LSM5: variants seen among roughly 807,000 people sequenced by gnomAD.
LSM5 encodes U6 snRNA-associated Sm-like protein LSm5.
In LSM5, 8 loss-of-function variants were observed where a neutral mutation model predicts 13.8. The ratio of observed to expected loss-of-function variants is 0.58; its 90% CI spans 0.34 to 1.04. The LOEUF is 1.04. Among genes scored for constraint, LSM5 ranks in the 50% least tolerant of loss-of-function variants. LSM5 has a pLI of 0.03. For missense variants in LSM5, 80 were observed against 108.1 expected (o/e 0.74, Z 1.15); for synonymous variants, 35 against 37.0 (o/e 0.95, Z 0.20).
intron 2 of LSM5, among the ~76,000 whole-genome samples, 154 bp from the exon 3 acceptor site, chr7:32,488,806 C>T (rs1353291500): frequency 6.6e-6 from 1 of 152,228 alleles, no homozygotes; most frequent in Non-Finnish European, 1.5e-5. Context: ...TCACTGCAGC[C>T]TCCACCTTTT....
At chr7:32,491,563 T>C (rs184625578), upstream of LSM5, among the ~76,000 whole-genome samples, 5 of 152,326 alleles carry the variant, frequency 3.3e-5, no homozygotes, top group African/African-American at 9.6e-5. Context: ...AATTTCTTCA[T>C]TTTGAATTAA....
At chr7:32,491,397 CAA>C (rs11393390), upstream of LSM5, among the ~76,000 whole-genome samples, 1 of 97,930 alleles carries the variant, frequency 1.0e-5, no homozygotes, top group Non-Finnish European at 1.9e-5. Context: ...AACTCCATCT[CAA>C]AAAAAAAAAA....
At chr7:32,494,106 A>T (rs541223078), upstream of LSM5, among the ~76,000 whole-genome samples, 2 of 152,342 alleles carry the variant, frequency 1.3e-5, no homozygotes, top group Non-Finnish European at 2.9e-5. Context: ...AAGTGCTGGG[A>T]TTACAGGCGT....
chr7:32,491,864 T>C (rs560152483), upstream of LSM5, among the ~76,000 whole-genome samples: 1 of 152,340 alleles, frequency 6.6e-6, no homozygotes, highest in East Asian at 1.9e-4. Flanking sequence ...ATTCATCTTA[T>C]TTTTATAACC....
chr7:32,489,939 G>A, intron 1 of LSM5: 1 of 884,452 alleles, frequency 1.1e-6, no homozygotes, highest in South Asian at 1.8e-5. Context: ...GGACCAGGGT[G>A]TTAGTGTCAC....
chr7:32,490,573 G>A (rs1786562427), upstream of LSM5: 1 of 598,270 alleles, frequency 1.7e-6, no homozygotes, highest in Middle Eastern at 4.6e-4. Flanking sequence ...TTACCATCTC[G>A]GCAGATACCC....
chr7:32,488,455 C>T, intron 3 of LSM5, 170 bp downstream of exon 3: 3 of 557,032 alleles, frequency 5.4e-6, no homozygotes, highest in South Asian at 2.4e-5. Flanking sequence ...CTAATAATTA[C>T]ATTAAGGTAA....
chr7:32,489,851 G>A (rs759143818), intron 1 of LSM5, among the ~76,000 whole-genome samples: 90 of 152,186 alleles, frequency 5.9e-4, no homozygotes, highest in Middle Eastern at 3.2e-3. Flanking sequence ...CTAGTGTATA[G>A]ATACTCAGTT....
upstream of LSM5, among the ~76,000 whole-genome samples, chr7:32,494,231 T>C (rs1426761172): frequency 6.6e-6 from 1 of 152,230 alleles, no homozygotes; most frequent in Non-Finnish European, 1.5e-5. Context: ...AAAATATTAA[T>C]AGTTAACACA....
At chr7:32,490,102 G>A (rs1786542380) in intron 1 of LSM5, 9 of 1,520,790 alleles carry the variant, frequency 5.9e-6, no homozygotes, top group African/African-American at 1.4e-5. Context: ...TTCCAGTGAA[G>A]GTCTGGTTTG....
upstream of LSM5, chr7:32,494,957 A>G (rs2128107105): frequency 6.6e-6 from 1 of 152,334 alleles, no homozygotes; most frequent in African/African-American, 2.4e-5. Context: ...CGAGTAAGCA[A>G]GTAATTTAAA....
intron 2 of LSM5, among the ~76,000 whole-genome samples, chr7:32,488,975 T>C (rs567971379): frequency 3.3e-5 from 5 of 152,258 alleles, no homozygotes; most frequent in Admixed American, 2.6e-4. Context: ...TCCACCCACC[T>C]CGCCCTCCCA....
At chr7:32,490,129 G>C in intron 1 of LSM5, 191 bp downstream of exon 1, 1 of 1,536,636 alleles carries the variant, frequency 6.5e-7, no homozygotes, top group Non-Finnish European at 8.8e-7. Flanking sequence ...CAAAGTCCTT[G>C]CCTGGAGGAG....
In LSM5 at chr7:32,487,120, T is replaced by C; in HGVS notation, c.*141A>G. The C allele has an allele frequency of 1.5e-6, 1 of 688,704 alleles. No homozygotes were observed. The highest frequency in any genetic ancestry group is 2.5e-6 in the Non-Finnish European group (1 of 393,208). 42.7% of individuals were successfully genotyped at this position (688,704 alleles called of 1,614,324 possible). A position where few individuals can be genotyped will look rare whatever the true frequency, so the allele number is the denominator to read the frequency against. ...GATAATCATGATTAACTTACAAAAA[T>C]GGGTACACATCTTCAAAGCACTTCC... is the stretch of plus-strand genomic sequence containing the variant. On this transcript the variant is annotated 3_prime_UTR_variant, in exon 5 of 5. Transcript: ENST00000450169.
rs1182071139 is a variant in LSM5 at position 32,490,369 on chromosome 7, T to C, written c.-4A>G. 1.9e-6 allele frequency: 3 copies of C among 1,611,544 alleles called. No individual in the cohort carries two copies. Among genetic ancestry groups the C allele is most frequent in the Non-Finnish European group, 2.5e-6 (3 of 1,177,576 alleles). On this transcript the variant is annotated 5_prime_UTR_variant, in exon 1 of 5. Coordinates refer to ENST00000450169, the MANE Select transcript of LSM5 (RefSeq NM_012322.3). ...TGGTAGTAGCGTTAGCCGCCATGGC[T>C]ACGCCGGAAGTGGCCTGCCTTCATT...
chr7:32,487,682 T>C lies in LSM5; in HGVS notation c.243+3A>G. ...AAAATAAAACAGTTTCAATGTGTCT[T>C]ACCATTGTTATATTATTTCCATTTA... On this transcript the variant is annotated splice_donor_region_variant and intron_variant, in intron 4 of 4. Transcript: ENST00000450169. The C allele has an allele frequency of 6.9e-6, 10 of 1,440,922 alleles. No homozygotes were observed. The highest frequency in any genetic ancestry group is 9.8e-6 in the Non-Finnish European group (10 of 1,022,854). 89.3% of individuals were successfully genotyped at this position (1,440,922 alleles called of 1,614,324 possible).
chr7:32,487,591 T>C, intron 4 of LSM5, 94 bp downstream of exon 4: 1 of 768,520 alleles, frequency 1.3e-6, no homozygotes, highest in South Asian at 1.4e-5. Flanking sequence ...GCCATGATCA[T>C]TTAGTCAAGC....
At chr7:32,491,275 TAGTCCC>T (rs1786578729), upstream of LSM5, among the ~76,000 whole-genome samples, 3 of 151,576 alleles carry the variant, frequency 2.0e-5, no homozygotes, top group Admixed American at 2.0e-4. Flanking sequence ...CGTGCGCCTG[TAGTCCC>T]AGCTACTCGG....
Position 32,487,739 on chromosome 7 carries a change from T to G in LSM5, c.189A>C (p.Gly63=), listed in dbSNP as rs1467450785. ...TCTGATCTAATTTAGTAATCCTTCT[T>G]CCTTCTGGTGTGATTTCACTAAATG... ...DVTEFEITPE[G]RRITKLDQIL... is the part of the protein sequence containing the mutation. Residue 63 remains glycine (G), a synonymous_variant, in exon 4 of 5, where the codon GGA becomes GGC. Coordinates refer to ENST00000450169, the MANE Select transcript of LSM5 (RefSeq NM_012322.3). The G allele has an allele frequency of 6.6e-7, 1 of 1,504,992 alleles. No individual in the cohort carries two copies. Among genetic ancestry groups the G allele is most frequent in the East Asian group, 2.3e-5 (1 of 44,348 alleles). 93.2% of individuals were successfully genotyped at this position (1,504,992 alleles called of 1,614,324 possible).
Sources: allele counts gnomAD v4.1 joint callset (sites outside exome capture counted in the v4.1 genomes callset), GRCh38; gene constraint gnomAD v4.1.1; transcripts MANE v1.5; gene names NCBI Gene and HGNC (gene_info 2026-07-23, HGNC 2026-07-21).